Variants in PROCR observed in about 807,000 individuals in gnomAD.
PROCR encodes the protein protein C receptor, also known as endothelial protein C receptor.
In PROCR, 22 loss-of-function variants were observed where a neutral mutation model predicts 24.2. The ratio of observed to expected loss-of-function variants is 0.91; its 90% confidence interval spans 0.65 to 1.30. The LOEUF (loss-of-function observed/expected upper bound fraction) is 1.30. Ranked by LOEUF, PROCR falls within the 50% of genes most tolerant of loss-of-function variation. PROCR has a pLI of 0.00. For synonymous variants in PROCR, 137 were observed against 139.2 expected (o/e 0.98, Z 0.11); for missense variants, 288 against 307.7 (o/e 0.94, Z 0.48).
exon 2 of PROCR, chr20:35,216,113 C>G (rs2060381379): frequency 6.5e-6 from 1 of 153,228 alleles, no homozygotes. Flanking sequence ...AGGAGAATCA[C>G]TTGAACCCGG....
chr20:35,197,454 C>T (rs2060302096), intron 1 of PROCR, among the ~76,000 whole-genome samples: 1 of 152,140 alleles, frequency 6.6e-6, no homozygotes, highest in Admixed American at 6.6e-5. Context: ...CTTGGCCCTC[C>T]CTATTCTGTG....
At chr20:35,187,141 C>T (rs568153490) in intron 1 of PROCR, among the ~76,000 whole-genome samples, 2 of 152,260 alleles carry the variant, frequency 1.3e-5, no homozygotes, top group East Asian at 1.9e-4. Context: ...GTCTCCATCT[C>T]GCAGGCTCAA....
In PROCR at chr20:35,188,638, T is replaced by C. The variant is rs1455721430; in HGVS notation, c.94+12192T>C. Among the ~76,000 whole-genome samples the C allele has an allele frequency of 2.6e-5, 4 of 152,338 alleles. No individual in the cohort carries two copies. The East Asian group carries it at 5.8e-4, about 22-fold the overall frequency. The stretch of plus-strand genomic sequence containing the variant: ...ACAAAGTGGATAAAAGTGCACCTTA[T>C]GTTTGGGGAATGCTAAATGGTCTGA... On this transcript the variant is annotated intron_variant, in intron 1 of 1. Transcript: ENST00000634509.
chr20:35,178,507 GT>G (rs1203789471), downstream of PROCR, among the ~76,000 whole-genome samples: 5,158 of 34,206 alleles, frequency 0.15, 1,174 homozygotes, highest in South Asian at 0.18. Context: ...TCAAGTCTCA[GT>G]TTTTTTTTTT....
At chr20:35,203,363 T>C (rs533653793) in intron 1 of PROCR, 1 of 152,338 alleles carries the variant, frequency 6.6e-6, no homozygotes, top group South Asian at 2.1e-4. Context: ...CATAACATTG[T>C]ATGCAATGTC....
intron 1 of PROCR, among the ~76,000 whole-genome samples, chr20:35,209,490 A>T (rs1236250828): frequency 2.0e-5 from 3 of 152,210 alleles, no homozygotes; most frequent in African/African-American, 7.2e-5. Context: ...AGTTGTTGGG[A>T]TACAGATTAT....
intron 1 of PROCR, among the ~76,000 whole-genome samples, chr20:35,194,556 G>A (rs2086200304): frequency 6.6e-6 from 1 of 152,160 alleles, no homozygotes; most frequent in Non-Finnish European, 1.5e-5. Context: ...AGTTCCTCTA[G>A]GGAGGAAAGA....
At chr20:35,175,081 C>T (rs2085997836) in intron 2 of PROCR, 128 bp downstream of exon 2, 1 of 1,124,068 alleles carries the variant, frequency 8.9e-7, no homozygotes, top group Non-Finnish European at 1.2e-6. Flanking sequence ...CACTGGAGCT[C>T]GGTGGCGCCT....
rs376971154 is a variant in PROCR at position 35,185,178 on chromosome 20, C to G, written c.94+8732C>G. On this transcript the variant is annotated intron_variant, in intron 1 of 1. Coordinates refer to the PROCR transcript ENST00000634509. ...ATCAGGAAAATGCAAATCAAAACCACAAAGCGATACCACCGTACTCCCATA... is the reference window on the plus strand; with the variant it reads ...ATCAGGAAAATGCAAATCAAAACCAGAAAGCGATACCACCGTACTCCCATA... Among the ~76,000 whole-genome samples, 12 of 152,118 alleles carry G rather than the reference C, an allele frequency of 7.9e-5. No homozygotes were observed. The South Asian group carries it at 2.5e-3, about 32-fold the overall frequency.
At chr20:35,205,581 G>A (rs1287509435) in intron 1 of PROCR, among the ~76,000 whole-genome samples, 2 of 148,720 alleles carry the variant, frequency 1.3e-5, no homozygotes, top group Admixed American at 6.7e-5. Flanking sequence ...GAGAAACCTC[G>A]TCTCCACTAA....
At chr20:35,195,930 C>T (rs1050627163) in intron 1 of PROCR, among the ~76,000 whole-genome samples, 1 of 151,314 alleles carries the variant, frequency 6.6e-6, no homozygotes, top group Non-Finnish European at 1.5e-5. Flanking sequence ...CCTGTAAGCT[C>T]AGCACTTTGG....
At chr20:35,196,527 A>ATTT (rs2086218273) in intron 1 of PROCR, among the ~76,000 whole-genome samples, 1 of 152,178 alleles carries the variant, frequency 6.6e-6, no homozygotes, top group South Asian at 2.1e-4. Context: ...ATGACTGTAG[A>ATTT]TTTTTCATCA....
chr20:35,172,274 G>A, intron 1 of PROCR, 50 bp downstream of exon 1: 2 of 1,592,362 alleles, frequency 1.3e-6, no homozygotes, highest in South Asian at 2.2e-5. Flanking sequence ...GAGAATCTCA[G>A]TCTATCTGGG....
At chr20:35,183,415 CATCTT>C (rs2146154453) in intron 1 of PROCR, among the ~76,000 whole-genome samples, 1 of 152,284 alleles carries the variant, frequency 6.6e-6, no homozygotes, top group East Asian at 1.9e-4. Flanking sequence ...CCTTCTGTCT[CATCTT>C]ATATGCCTGC....
At chr20:35,171,294 T>C (rs965323509), upstream of PROCR, among the ~76,000 whole-genome samples, 2 of 152,180 alleles carry the variant, frequency 1.3e-5, no homozygotes, top group African/African-American at 4.8e-5. Context: ...AGCACACATA[T>C]ACAACTGAGC....
At chr20:35,189,647 C>T (rs977048477) in intron 1 of PROCR, among the ~76,000 whole-genome samples, 1 of 152,156 alleles carries the variant, frequency 6.6e-6, no homozygotes, top group Non-Finnish European at 1.5e-5. Context: ...GCTCAGGGGG[C>T]ATCACGGAAC....
intron 1 of PROCR, among the ~76,000 whole-genome samples, chr20:35,206,666 A>G (rs1040171969): frequency 2.6e-5 from 4 of 152,114 alleles, no homozygotes; most frequent in Non-Finnish European, 4.4e-5. Flanking sequence ...AGGTATGTCT[A>G]TACACCTATT....
chr20:35,183,050 A>G (rs939141595), intron 1 of PROCR, among the ~76,000 whole-genome samples: 1 of 151,842 alleles, frequency 6.6e-6, no homozygotes, highest in Non-Finnish European at 1.5e-5. Flanking sequence ...TGTAGCTATC[A>G]TTTACATATT....
At chr20:35,175,560 G>C (rs1349249058) in intron 2 of PROCR, among the ~76,000 whole-genome samples, 7 of 80,390 alleles carry the variant, frequency 8.7e-5, no homozygotes, top group Admixed American at 1.4e-4. Flanking sequence ...TTCTCTCCTA[G>C]TCCCCCACCC....
Sources: gnomAD v4.1 joint callset for allele counts (sites outside exome capture counted in the v4.1 genomes callset) on GRCh38, gnomAD v4.1.1 for gene constraint, MANE v1.5 for transcripts, NCBI Gene and HGNC (gene_info 2026-07-23, HGNC 2026-07-21) for gene names.